The following CEP120 variants were observed in gnomAD, a reference collection of about 807,000 sequenced individuals.
CEP120 encodes centrosomal protein 120.
In CEP120, 113 loss-of-function variants were observed where a neutral mutation model predicts 126.5. The observed-to-expected ratio is 0.89, with a 90% confidence interval of 0.77 to 1.04. The LOEUF (loss-of-function observed/expected upper bound fraction) is 1.04. CEP120 is among the 50% of genes least tolerant of loss of function. The pLI is 0.00. For missense variants in CEP120, 1,230 were observed against 1,155.7 expected, an observed-to-expected ratio of 1.06 and a Z score of -0.93; for synonymous variants, 400 against 394.3, an observed-to-expected ratio of 1.01 and a Z score of -0.17.
intron 18 of CEP120, among the ~76,000 whole-genome samples, chr5:123,356,753 A>T (rs992913332): frequency 6.6e-6 from 1 of 151,488 alleles, no homozygotes; most frequent in African/African-American, 2.4e-5. Flanking sequence ...TAAACATTTC[A>T]CTCTCTCTCT....
chr5:123,360,673 A>AAGAGGGTAGGAAATACAC (rs58585127), intron 18 of CEP120, among the ~76,000 whole-genome samples: 60,604 of 151,378 alleles, frequency 0.4, 12,237 homozygotes, highest in East Asian at 0.47. Context: ...AGGAAATACA[A>AAGAGGGTAGGAAATACAC]AAGAAGAAGG....
intron 3 of CEP120, 25 bp from the exon 4 acceptor site, chr5:123,412,565 C>G (rs200300014): frequency 6.5e-7 from 1 of 1,540,048 alleles, no homozygotes; most frequent in African/African-American, 1.4e-5. Context: ...AATAACAAAA[C>G]ACCTAATAGT....
intron 1 of CEP120, among the ~76,000 whole-genome samples, chr5:123,418,924 T>C (rs1292857570): frequency 1.3e-5 from 2 of 152,210 alleles, no homozygotes; most frequent in East Asian, 1.9e-4. Context: ...TTAAGTGTGG[T>C]TGACATGCAT....
intron 16 of CEP120, among the ~76,000 whole-genome samples, chr5:123,374,854 C>T (rs922206027): frequency 3.9e-5 from 6 of 152,086 alleles, no homozygotes; most frequent in Admixed American, 3.9e-4. Context: ...TTATCATACA[C>T]AATTCTTGTT....
chr5:123,398,136 A>G (rs1772920152), intron 5 of CEP120, among the ~76,000 whole-genome samples: 1 of 152,108 alleles, frequency 6.6e-6, no homozygotes, highest in South Asian at 2.1e-4. Flanking sequence ...ACAGTTATAA[A>G]CCATATTATC....
chr5:123,379,501 G>A (rs981392183), intron 14 of CEP120, among the ~76,000 whole-genome samples: 12 of 151,974 alleles, frequency 7.9e-5, no homozygotes, highest in Non-Finnish European at 1.3e-4. Flanking sequence ...CACAGAAAAT[G>A]ATTTAATTAT....
At chr5:123,362,260 GATATACCAACTC>G (rs1040913683) in intron 18 of CEP120, among the ~76,000 whole-genome samples, 4 of 151,610 alleles carry the variant, frequency 2.6e-5, no homozygotes, top group African/African-American at 9.7e-5. Flanking sequence ...TCCTTCTTAG[GATATACCAACTC>G]ACGATGACCC....
chr5:123,404,079 G>C (rs1192910631), intron 4 of CEP120, among the ~76,000 whole-genome samples: 1 of 152,196 alleles, frequency 6.6e-6, no homozygotes, highest in Admixed American at 6.5e-5. Context: ...CGGATATGAA[G>C]GAGAATGCTC....
At chr5:123,412,289 G>C (rs1051020994) in intron 4 of CEP120, 110 bp downstream of exon 4, 6 of 949,546 alleles carry the variant, frequency 6.3e-6, no homozygotes, top group African/African-American at 1.7e-5. Context: ...ATATTTGTCT[G>C]ATGAACAGTT....
chr5:123,403,913 C>T (rs1205644671), intron 4 of CEP120, among the ~76,000 whole-genome samples: 1 of 152,144 alleles, frequency 6.6e-6, no homozygotes, highest in African/African-American at 2.4e-5. Flanking sequence ...TAAACTAAAT[C>T]CTTTTCCTAT....
intron 17 of CEP120, among the ~76,000 whole-genome samples, chr5:123,367,424 A>T (rs1464545487): frequency 6.6e-6 from 1 of 151,880 alleles, no homozygotes; most frequent in Non-Finnish European, 1.5e-5. Context: ...ATATGTATGT[A>T]TGTATATATA....
chr5:123,402,151 C>T (rs1267491804), intron 4 of CEP120: 9 of 1,583,816 alleles, frequency 5.7e-6, no homozygotes, highest in African/African-American at 2.7e-5. Context: ...ACTGTGACCG[C>T]GGTGATGCCT....
chr5:123,347,819 A>G (rs1768942794), intron 19 of CEP120, among the ~76,000 whole-genome samples: 1 of 151,816 alleles, frequency 6.6e-6, no homozygotes, highest in African/African-American at 2.4e-5. Flanking sequence ...TAAATTTTGT[A>G]TATATATATT....
At chr5:123,350,340 G>A (rs1404129198) in intron 18 of CEP120, among the ~76,000 whole-genome samples, 1 of 152,100 alleles carries the variant, frequency 6.6e-6, no homozygotes, top group Admixed American at 6.6e-5. Flanking sequence ...CGGCCTCTGG[G>A]CCCAAGTAGG....
chr5:123,419,978 C>T (rs1774618988), intron 1 of CEP120, among the ~76,000 whole-genome samples: 2 of 152,180 alleles, frequency 1.3e-5, no homozygotes, highest in African/African-American at 4.8e-5. Flanking sequence ...GAAGAAATCC[C>T]TGCTGCTACT....
intron 18 of CEP120, among the ~76,000 whole-genome samples, chr5:123,357,981 A>G (rs1022443208): frequency 1.3e-4 from 20 of 152,132 alleles, no homozygotes; most frequent in African/African-American, 4.6e-4. Flanking sequence ...TATTTAGTGA[A>G]GCTGAAGAAA....
chr5:123,355,648 ATTTG>A (rs1325865658), intron 18 of CEP120, among the ~76,000 whole-genome samples: 1 of 151,760 alleles, frequency 6.6e-6, no homozygotes, highest in African/African-American at 2.4e-5. Flanking sequence ...TTTCTTGTAA[ATTTG>A]TTTGAGTTCA....
At chr5:123,375,018 A>AT (rs1399608508) in intron 16 of CEP120, among the ~76,000 whole-genome samples, 3 of 152,102 alleles carry the variant, frequency 2.0e-5, no homozygotes, top group Non-Finnish European at 2.9e-5. Flanking sequence ...TGACAGTGTA[A>AT]CTGTCCCTTC....
At chr5:123,422,453 C>T (rs1382704486) in intron 1 of CEP120, 1 of 1,469,916 alleles carries the variant, frequency 6.8e-7, no homozygotes, top group Non-Finnish European at 9.2e-7. Flanking sequence ...CAATGTCATT[C>T]ATCCAAAACA....
Sources: gnomAD v4.1 joint callset for allele counts (sites outside exome capture counted in the v4.1 genomes callset) on GRCh38, gnomAD v4.1.1 for gene constraint, MANE v1.5 for transcripts, NCBI Gene and HGNC (gene_info 2026-07-23, HGNC 2026-07-21) for gene names.